The following PRDM4 variants were observed in gnomAD, a reference collection of about 807,000 sequenced individuals.
PRDM4 encodes PR domain zinc finger protein 4.
A neutral mutation model predicts 62.3 loss-of-function variants in PRDM4; 38 were observed. The observed-to-expected ratio is 0.61, with a 90% confidence interval of 0.47 to 0.80. The LOEUF is 0.80. PRDM4 is among the 30% of genes least tolerant of loss of function. The probability of loss-of-function intolerance (pLI) is 0.00; values close to 1 mark genes in which losing one functional copy is unlikely to be tolerated. For synonymous variants in PRDM4, 339 were observed against 348.2 expected, an observed-to-expected ratio of 0.97 and a Z score of 0.30; for missense variants, 858 against 997.1, an observed-to-expected ratio of 0.86 and a Z score of 1.88.
chr12:107,751,549 G>A lies in PRDM4; in HGVS notation c.992C>T (p.Ser331Phe), dbSNP rs1711751099. Residue 331 changes from serine (S) to phenylalanine (F), a missense_variant, in exon 5 of 12, where the codon TCC becomes TTC. Coordinates refer to ENST00000228437, the MANE Select transcript of PRDM4 (RefSeq NM_012406.4). ...GLSLEPVAVS[S>F]ITQEVAMGTG... ...CCCCATAGCAACCTCCTGGGTGATG[G>A]AGGAGACAGCCACAGGTTCTAGGCT... 1.2e-6 allele frequency: 2 copies of A among 1,612,710 alleles called. No homozygotes were observed. The highest frequency in any genetic ancestry group is 1.1e-5 in the South Asian group (1 of 91,058).
Position 107,760,544 on chromosome 12 carries a change from A to T in PRDM4, c.-29T>A. On this transcript the variant is annotated 5_prime_UTR_variant, in exon 2 of 12. Coordinates refer to ENST00000228437, the MANE Select transcript of PRDM4 (RefSeq NM_012406.4). Reference sequence around the variant, plus strand: ...CTTGGGGCCAAATATCAGAGAAAGGAGCGCTCGGGTGGTGGGGAACAGGCA... The same window carrying T: ...CTTGGGGCCAAATATCAGAGAAAGGTGCGCTCGGGTGGTGGGGAACAGGCA... The T allele has an allele frequency of 1.2e-6, 2 of 1,612,502 alleles. No homozygotes were observed. Among genetic ancestry groups the T allele is most frequent in the South Asian group, 2.2e-5 (2 of 90,742 alleles).
rs1346645000 is a variant in PRDM4, at chr12:107,743,271, A to G, written c.1407T>C (p.Asn469=). The change falls in exon 8 of 12, where the codon AAT becomes AAC. Residue 469 remains asparagine, a synonymous_variant. Transcript: ENST00000228437. Reference sequence around the variant, plus strand: ...TAATGATGCAGAATTCTAGGACACCATTGTGGTATATCTGCCAACAGAAAG... The same window carrying G: ...TAATGATGCAGAATTCTAGGACACCGTTGTGGTATATCTGCCAACAGAAAG... ...AVNHIWKIYH[N]GVLEFCIITT... 5.6e-6 allele frequency: 9 copies of G among 1,610,888 alleles called. No individual in the cohort carries two copies. Among genetic ancestry groups the G allele is most frequent in the Non-Finnish European group, 6.8e-6 (8 of 1,177,282 alleles).
chr12:107,739,203 A>C (rs1461325979), intron 11 of PRDM4, 180 bp downstream of exon 11: 1 of 558,734 alleles, frequency 1.8e-6, no homozygotes, highest in Non-Finnish European at 3.0e-6. Context: ...TTCCAGGATA[A>C]CACCAAAAAA....
intron 4 of PRDM4, among the ~76,000 whole-genome samples, chr12:107,753,425 T>C (rs1427838058): frequency 6.7e-6 from 1 of 149,572 alleles, no homozygotes; most frequent in Non-Finnish European, 1.5e-5. Flanking sequence ...GAAACCGTGG[T>C]CTTAATTATG....
chr12:107,742,605 TA>T, intron 8 of PRDM4: 2 of 439,664 alleles, frequency 4.5e-6, no homozygotes, highest in South Asian at 5.5e-5. Context: ...ACAAGATAAA[TA>T]AAATGAAGTC....
At position 107,751,559 on chromosome 12, in the gene PRDM4, C is replaced by A. The variant is rs765578434; in HGVS notation, c.982G>T (p.Ala328Ser). ...HEVGLSLEPV[A>S]VSSITQEVAM... ...ACCTCCTGGGTGATGGAGGAGACAG[C>A]CACAGGTTCTAGGCTGAGGCCAACT... The change falls in exon 5 of 12, where the codon GCT becomes TCT. Residue 328 changes from alanine (A) to serine (S), a missense_variant. Transcript: ENST00000228437. The A allele has an allele frequency of 1.4e-5, 22 of 1,612,940 alleles. No homozygotes were observed. In the South Asian group the frequency reaches 2.2e-4, roughly 16 times the overall value.
intron 7 of PRDM4, among the ~76,000 whole-genome samples, chr12:107,744,063 A>C (rs1482037219): frequency 6.6e-6 from 1 of 152,108 alleles, no homozygotes; most frequent in South Asian, 2.1e-4. Context: ...GCAGTAAGCT[A>C]AGATTGTACC....
intron 6 of PRDM4, among the ~76,000 whole-genome samples, chr12:107,745,194 GAAGA>G (rs1439029562): frequency 6.6e-6 from 1 of 152,150 alleles, no homozygotes; most frequent in African/African-American, 2.4e-5. Context: ...TGCTGAGTAA[GAAGA>G]AATATCAGGA....
chr12:107,736,376 C>T (rs1890329768), intron 11 of PRDM4, among the ~76,000 whole-genome samples: 1 of 152,102 alleles, frequency 6.6e-6, no homozygotes, highest in African/African-American at 2.4e-5. Flanking sequence ...TGAGCAGAAA[C>T]CTGAATGGAG....
chr12:107,755,546 T>A (rs1225792829), intron 3 of PRDM4, among the ~76,000 whole-genome samples: 1 of 152,250 alleles, frequency 6.6e-6, no homozygotes, highest in Non-Finnish European at 1.5e-5. Context: ...CTAGTTTCAA[T>A]GAATCTTATT....
At chr12:107,734,985 T>A (rs10083011) in intron 11 of PRDM4, among the ~76,000 whole-genome samples, 58,273 of 152,000 alleles carry the variant, frequency 0.38, 11,797 homozygotes, top group African/African-American at 0.54. Flanking sequence ...TAAATTTTTT[T>A]AAATTTTTAT....
rs779854862 is a variant in PRDM4 at position 107,751,947 on chromosome 12, A to G, written c.594T>C (p.Ser198=). The G allele has an allele frequency of 1.2e-6, 2 of 1,614,244 alleles. No homozygotes were observed. The highest frequency in any genetic ancestry group is 2.2e-5 in the East Asian group (1 of 44,888). ...CTGTCGAAATTGGGCTGGTAACCCT[A>G]GAAACGTTCTCCATAGTGATTGCTG... ...LDTAITMENV[S]RVTSPISTDG... The change falls in exon 5 of 12, where the codon TCT becomes TCC. Residue 198 remains serine, a synonymous_variant. Coordinates refer to ENST00000228437, the MANE Select transcript of PRDM4 (RefSeq NM_012406.4).
At chr12:107,753,004 G>A (rs1201289592) in intron 4 of PRDM4, among the ~76,000 whole-genome samples, 1 of 152,148 alleles carries the variant, frequency 6.6e-6, no homozygotes, top group Non-Finnish European at 1.5e-5. Flanking sequence ...CCACGTAGCA[G>A]CAAAGGAAAA....
At chr12:107,746,511 A>G (rs1890713021) in intron 5 of PRDM4, 87 bp from the exon 6 acceptor site, 1 of 1,277,920 alleles carries the variant, frequency 7.8e-7, no homozygotes, top group Non-Finnish European at 1.1e-6. Flanking sequence ...TTTGAGACAA[A>G]GTCTTGCTCT....
intron 7 of PRDM4, among the ~76,000 whole-genome samples, chr12:107,744,303 C>T (rs1890619023): frequency 6.6e-6 from 1 of 152,128 alleles, no homozygotes; most frequent in Admixed American, 6.6e-5. Context: ...GATTAACTCA[C>T]AAAACAGAGA....
At chr12:107,742,430 A>G in intron 8 of PRDM4, 82 bp from the exon 9 acceptor site, 2 of 1,461,050 alleles carry the variant, frequency 1.4e-6, no homozygotes, top group Non-Finnish European at 9.5e-7. Flanking sequence ...GCAAAATCCT[A>G]TATGAAAGCT....
Position 107,734,292 on chromosome 12 carries a change from A to G in PRDM4, c.2324T>C (p.Leu775Pro). The G allele has an allele frequency of 1.2e-6, 2 of 1,614,196 alleles. No homozygotes were observed. Among genetic ancestry groups the G allele is most frequent in the Non-Finnish European group, 1.7e-6 (2 of 1,180,036 alleles). Residue 775 changes from leucine (L) to proline (P), a missense_variant, in exon 12 of 12, where the codon CTA becomes CCA. By Grantham distance (98) the Leu-to-Pro change is moderately conservative (BLOSUM62 -3). Around this residue, in one of 3 missense-constraint regions of PRDM4, gnomAD observed 355 missense variants for 432.6 expected, o/e 0.82. Coordinates refer to ENST00000228437, the MANE Select transcript of PRDM4 (RefSeq NM_012406.4). Reference sequence around the variant, plus strand: ...GTCTTCTGTCCCCACAGAGTCTGCTAGATCTTCCTCTTCTGAGTCATCCTC... The same window carrying G: ...GTCTTCTGTCCCCACAGAGTCTGCTGGATCTTCCTCTTCTGAGTCATCCTC... ...EEEDDSEEEDLADSVGTEDCR... is the reference protein window; with the variant it reads ...EEEDDSEEEDPADSVGTEDCR...
At chr12:107,743,450 C>A (rs1890584481) in intron 7 of PRDM4, among the ~76,000 whole-genome samples, 168 bp from the exon 8 acceptor site, 1 of 152,232 alleles carries the variant, frequency 6.6e-6, no homozygotes, top group South Asian at 2.1e-4. Flanking sequence ...TCAACATTCT[C>A]CCTATTTCCA....
chr12:107,758,720 T>C (rs1349066727), intron 2 of PRDM4, among the ~76,000 whole-genome samples: 6 of 152,242 alleles, frequency 3.9e-5, no homozygotes, highest in Non-Finnish European at 8.8e-5. Flanking sequence ...AAGTTCCACA[T>C]AGACCTGTTT....
Sources: allele counts gnomAD v4.1 joint callset (sites outside exome capture counted in the v4.1 genomes callset), GRCh38; gene constraint gnomAD v4.1.1; regional missense constraint gnomAD v4.1.1; transcripts MANE v1.5; gene names NCBI Gene and HGNC (gene_info 2026-07-23, HGNC 2026-07-21).